FAM169A: variants seen among roughly 807,000 people sequenced by gnomAD.
The protein encoded by FAM169A is family with sequence similarity 169 member A, also known as soluble lamin-associated protein of 75 kDa.
Under a neutral mutation model 75.7 loss-of-function variants are expected in FAM169A, and 24 were observed. That is an observed-to-expected ratio of 0.32 (90% CI 0.23 to 0.45). The LOEUF (loss-of-function observed/expected upper bound fraction) is 0.45. Among genes scored for constraint, FAM169A ranks in the 20% least tolerant of loss-of-function variants. FAM169A has a pLI of 1.00. For synonymous variants in FAM169A, 271 were observed against 271.0 expected (o/e 1.00, Z 0.00); for missense variants, 673 against 784.0 (o/e 0.86, Z 1.69).
chr5:74,866,841 C>T (rs1750373344), upstream of FAM169A: 5 of 985,452 alleles, frequency 5.1e-6, no homozygotes, highest in Non-Finnish European at 6.0e-6. Context: ...GCGGCCATCC[C>T]GGCCTCGGGA....
At chr5:74,800,234 G>T in intron 10 of FAM169A, 1 of 223,476 alleles carries the variant, frequency 4.5e-6, no homozygotes, top group African/African-American at 2.4e-5. Context: ...TGGTGAAAAT[G>T]TTGGTTTTTT....
intron 1 of FAM169A, among the ~76,000 whole-genome samples, chr5:74,852,270 T>C (rs1159714034): frequency 1.3e-5 from 2 of 152,144 alleles, no homozygotes; most frequent in Non-Finnish European, 2.9e-5. Context: ...CCACAGGCTC[T>C]CCAATTCTGT....
intron 5 of FAM169A, among the ~76,000 whole-genome samples, chr5:74,832,209 A>AATGAGCTCACTACATTAT (rs1466588723): frequency 6.6e-6 from 1 of 152,076 alleles, no homozygotes; most frequent in Non-Finnish European, 1.5e-5. Flanking sequence ...ACCTTAAAGA[A>AATGAGCTCACTACATTAT]ATGAGCTCAC....
chr5:74,852,469 A>G (rs1214906397), intron 1 of FAM169A, among the ~76,000 whole-genome samples: 1 of 152,222 alleles, frequency 6.6e-6, no homozygotes, highest in Non-Finnish European at 1.5e-5. Flanking sequence ...CATATTTACT[A>G]AATAAATGAA....
chr5:74,805,976 CAAAAAA>C (rs370761667), intron 6 of FAM169A, among the ~76,000 whole-genome samples: 2 of 85,244 alleles, frequency 2.3e-5, no homozygotes, highest in Admixed American at 1.2e-4. Context: ...TTAAAAGCTC[CAAAAAA>C]AAAAAAAAAA....
chr5:74,824,936 C>T (rs1190287374), intron 5 of FAM169A, among the ~76,000 whole-genome samples: 9 of 152,086 alleles, frequency 5.9e-5, no homozygotes, highest in Non-Finnish European at 1.0e-4. Flanking sequence ...ACCCCAATCT[C>T]AACTCCAACA....
chr5:74,825,068 T>A (rs937281057), intron 5 of FAM169A, among the ~76,000 whole-genome samples: 3 of 152,188 alleles, frequency 2.0e-5, no homozygotes, highest in Non-Finnish European at 4.4e-5. Flanking sequence ...AGCCATATAG[T>A]GTACCATGAA....
rs1745350274 is a variant in FAM169A, at chr5:74,780,331, TC to T, written c.*1128del. ...GGCAGTTTTACTCCTGCCATATAGG[TC>T]TAACATTGTGGGGTGCACCTCCAAA... On this transcript the variant is annotated 3_prime_UTR_variant, in exon 13 of 13. Transcript: ENST00000687041. 5 of 152,282 alleles carry T rather than the reference TC, an allele frequency of 3.3e-5. No individual in the cohort carries two copies. The South Asian group carries it at 8.3e-4, about 25-fold the overall frequency. The allele number at this position is 152,282 out of a possible 1,614,324, so 9.4% of individuals were successfully genotyped here. A position where few individuals can be genotyped will look rare whatever the true frequency, so the allele number is the denominator to read the frequency against.
chr5:74,826,404 G>A (rs1748028481), intron 5 of FAM169A, among the ~76,000 whole-genome samples: 1 of 152,192 alleles, frequency 6.6e-6, no homozygotes, highest in African/African-American at 2.4e-5. Context: ...GGACCTCACA[G>A]CAGGATGATA....
intron 5 of FAM169A, among the ~76,000 whole-genome samples, chr5:74,818,135 A>G (rs1747565149): frequency 6.6e-6 from 1 of 152,224 alleles, no homozygotes; most frequent in South Asian, 2.1e-4. Context: ...AGCACAAGTG[A>G]CAAAAGAAAA....
intron 10 of FAM169A, chr5:74,799,191 C>T: frequency 8.3e-7 from 1 of 1,210,756 alleles, no homozygotes; most frequent in Non-Finnish European, 1.2e-6. Flanking sequence ...AGCATGACCA[C>T]ATCGTCACTT....
rs185516088 is a variant in FAM169A, at chr5:74,813,691, A to G, written c.670+149T>C. 1.3e-3 allele frequency: 596 copies of G among 470,458 alleles called. 5 individuals carry two copies. The highest frequency in any genetic ancestry group is 8.0e-3 in the African/African-American group (398 of 49,670). 29.1% of individuals were successfully genotyped at this position (470,458 alleles called of 1,614,324 possible). ...TGCCAAACCCCGAGAAAACAAATAC[A>G]TAAGGGCACATTTGCCAAAGTAAGT... On this transcript the variant is annotated intron_variant, in intron 6 of 12. Coordinates refer to ENST00000687041, the MANE Select transcript of FAM169A (RefSeq NM_001376049.1).
At chr5:74,782,043 G>A (rs747805375) in intron 12 of FAM169A, 35 bp from the exon 13 acceptor site, 17 of 1,492,050 alleles carry the variant, frequency 1.1e-5, no homozygotes, top group Non-Finnish European at 1.6e-5. Flanking sequence ...AAATAAACTT[G>A]TACTACAGTT....
At chr5:74,787,260 C>T (rs772732266) in intron 11 of FAM169A, among the ~76,000 whole-genome samples, 17 of 152,190 alleles carry the variant, frequency 1.1e-4, no homozygotes, top group Non-Finnish European at 2.5e-4. Context: ...AGTAGGGACT[C>T]TGCATTTAAT....
intron 6 of FAM169A, among the ~76,000 whole-genome samples, chr5:74,806,081 G>A (rs1296348919): frequency 4.6e-5 from 7 of 150,850 alleles, no homozygotes. Flanking sequence ...CAAGTACCAA[G>A]TATTTGAAAC....
At chr5:74,784,225 T>TA (rs1432379112) in intron 11 of FAM169A, among the ~76,000 whole-genome samples, 3 of 151,926 alleles carry the variant, frequency 2.0e-5, no homozygotes, top group Non-Finnish European at 4.4e-5. Flanking sequence ...GGACTTTTTC[T>TA]AGAGTGTCCA....
chr5:74,792,826 T>G (rs916318790), intron 11 of FAM169A, among the ~76,000 whole-genome samples: 1 of 152,168 alleles, frequency 6.6e-6, no homozygotes, highest in African/African-American at 2.4e-5. Context: ...ACAACCACTA[T>G]GGAAAACAGT....
At chr5:74,848,385 G>C in intron 1 of FAM169A, among the ~76,000 whole-genome samples, 1 of 152,158 alleles carries the variant, frequency 6.6e-6, no homozygotes, top group East Asian at 1.9e-4. Flanking sequence ...AGTAAGACTA[G>C]AGAAATATGA....
At chr5:74,795,798 C>T (rs1261200907) in intron 11 of FAM169A, among the ~76,000 whole-genome samples, 2 of 152,118 alleles carry the variant, frequency 1.3e-5, no homozygotes, top group Non-Finnish European at 2.9e-5. Flanking sequence ...ATTTTATCTT[C>T]GATATAATTC....
Sources: allele counts gnomAD v4.1 joint callset (sites outside exome capture counted in the v4.1 genomes callset), GRCh38; gene constraint gnomAD v4.1.1; transcripts MANE v1.5; gene names NCBI Gene and HGNC (gene_info 2026-07-23, HGNC 2026-07-21).